The following ZNF345 variants were observed in gnomAD, a reference collection of about 807,000 sequenced individuals.
ZNF345 encodes zinc finger protein 345, also known as zinc finger protein HZF10.
For synonymous variants in ZNF345, 166 were observed against 187.9 expected (o/e 0.88, Z 0.95); for missense variants, 527 against 589.9 (o/e 0.89, Z 1.10).
At chr19:36,859,186 G>T (rs1404330598) in intron 2 of ZNF345, among the ~76,000 whole-genome samples, 1 of 150,478 alleles carries the variant, frequency 6.6e-6, no homozygotes. Context: ...CCTGACAGTT[G>T]CTCAGGCTGG....
At chr19:36,852,697 T>C (rs1472656849) in intron 2 of ZNF345, among the ~76,000 whole-genome samples, 2 of 152,126 alleles carry the variant, frequency 1.3e-5, no homozygotes, top group Admixed American at 6.5e-5. Flanking sequence ...ATACTGTACT[T>C]ATGCCAGCAG....
At chr19:36,863,118 T>C (rs1233124902) in intron 2 of ZNF345, 1 of 152,238 alleles carries the variant, frequency 6.6e-6, no homozygotes, top group East Asian at 1.9e-4. Flanking sequence ...CAGTCAGTGG[T>C]ATTTTATTAT....
chr19:36,852,462 T>A (rs1469282517), intron 2 of ZNF345, among the ~76,000 whole-genome samples: 1 of 151,968 alleles, frequency 6.6e-6, no homozygotes, highest in Admixed American at 6.6e-5. Flanking sequence ...AACACAAAAA[T>A]TAGCTGGGCG....
At chr19:36,886,964 A>C (rs1209345508) in intron 3 of ZNF345, among the ~76,000 whole-genome samples, 2 of 143,944 alleles carry the variant, frequency 1.4e-5, no homozygotes, top group Non-Finnish European at 3.0e-5. Flanking sequence ...ACTGCAGTCC[A>C]GCTTGGGCGA....
At chr19:36,852,128 CTTT>C (rs35747733) in intron 2 of ZNF345, among the ~76,000 whole-genome samples, 2 of 102,700 alleles carry the variant, frequency 1.9e-5, no homozygotes, top group Non-Finnish European at 3.8e-5. Context: ...TTCTTTCTTT[CTTT>C]TTTTTTTTTT....
Position 36,867,378 on chromosome 19 carries a change from AGTG to A in ZNF345, c.-46-9404_-46-9402del, listed in dbSNP as rs1205628141. On this transcript the variant is annotated intron_variant, in intron 2 of 2. Transcript: ENST00000420450. ...TTAACCATTTTAAAGTGTATAATTC[AGTG>A]GTATTTAGTATAAATTCAGTGGTAT... Among the ~76,000 whole-genome samples the A allele has an allele frequency of 2.0e-5, 3 of 152,224 alleles. No individual in the cohort carries two copies. The East Asian group carries it at 5.8e-4, about 29-fold the overall frequency.
At chr19:36,862,156 C>T (rs1385706933) in intron 2 of ZNF345, among the ~76,000 whole-genome samples, 4 of 152,064 alleles carry the variant, frequency 2.6e-5, no homozygotes, top group South Asian at 2.1e-4. Flanking sequence ...CCACTGCACC[C>T]GGCCAACTTC....
intron 2 of ZNF345, among the ~76,000 whole-genome samples, chr19:36,868,160 G>A (rs1357955959): frequency 8.6e-5 from 13 of 151,844 alleles, no homozygotes; most frequent in African/African-American, 4.8e-5. Flanking sequence ...GTGCCACCAC[G>A]CCCAGCTAAT....
At chr19:36,886,221 C>A (rs1209712369) in intron 3 of ZNF345, among the ~76,000 whole-genome samples, 1 of 152,134 alleles carries the variant, frequency 6.6e-6, no homozygotes, top group Non-Finnish European at 1.5e-5. Context: ...AGATATTCTG[C>A]CTTCAGGAAA....
chr19:36,878,123 TGGGAA>T lies in ZNF345; in HGVS notation c.1296_1300del (p.Lys433PhefsTer3). The T allele has an allele frequency of 6.2e-7, 1 of 1,614,084 alleles. No individual in the cohort carries two copies. The highest frequency in any genetic ancestry group is 8.5e-7 in the Non-Finnish European group (1 of 1,179,994). On this transcript the variant is annotated frameshift_variant, in exon 3 of 3. Coordinates refer to ENST00000420450, the MANE Select transcript of ZNF345 (RefSeq NM_001242472.2). LOFTEE classifies it low-confidence loss of function (END_TRUNC). ...AGAAACCCTATGAATGTAAGGAGTG[TGGGAA>T]GGCTTTTTATAGTGGCTCAAGCCTT... is the stretch of plus-strand genomic sequence containing the variant.
In ZNF345 at chr19:36,877,499, T is replaced by C; in HGVS notation, c.669T>C (p.Ile223=). Reference sequence around the variant, plus strand: ...CAAACCTTACTCAACATCGGCGGATTCATACTGGTGAGAAACCTTATGAAT... The same window carrying C: ...CAAACCTTACTCAACATCGGCGGATCCATACTGGTGAGAAACCTTATGAAT... The part of the protein sequence containing the change: ...SGSNLTQHRR[I]HTGEKPYECK... Residue 223 remains isoleucine (I), a synonymous_variant, in exon 3 of 3, where the codon ATT becomes ATC. Transcript: ENST00000420450. 1 of 1,614,178 alleles carries C rather than the reference T, an allele frequency of 6.2e-7. No homozygotes were observed. The highest frequency in any genetic ancestry group is 1.1e-5 in the South Asian group (1 of 91,082).
At chr19:36,883,357 A>G (rs1487839860), downstream of ZNF345, among the ~76,000 whole-genome samples, 1 of 152,146 alleles carries the variant, frequency 6.6e-6, no homozygotes, top group African/African-American at 2.4e-5. Context: ...TTCCCTAAAG[A>G]TTGAAGTTTT....
At chr19:36,884,892 TACTC>T (rs750225366) in intron 3 of ZNF345, among the ~76,000 whole-genome samples, 6 of 152,224 alleles carry the variant, frequency 3.9e-5, no homozygotes, top group Admixed American at 2.6e-4. Flanking sequence ...TACTTTGACT[TACTC>T]ATTCTTTCGT....
chr19:36,861,406 C>G (rs1047466590), intron 2 of ZNF345, among the ~76,000 whole-genome samples: 1 of 152,158 alleles, frequency 6.6e-6, no homozygotes, highest in African/African-American at 2.4e-5. Context: ...TAGTAAGAAA[C>G]CTGGCTTCCA....
downstream of ZNF345, among the ~76,000 whole-genome samples, chr19:36,880,829 A>T (rs2072963325): frequency 1.3e-5 from 2 of 152,194 alleles, no homozygotes; most frequent in Non-Finnish European, 1.5e-5. Flanking sequence ...TTTTTAAATA[A>T]GTGGCACTGA....
downstream of ZNF345, among the ~76,000 whole-genome samples, chr19:36,882,319 G>C (rs2072973534): frequency 1.3e-5 from 2 of 152,010 alleles, no homozygotes; most frequent in South Asian, 2.1e-4. Context: ...CCAGGCTGGA[G>C]TGCAGTGGCG....
exon 4 of ZNF345, chr19:36,892,959 G>A (rs1443543276): frequency 7.4e-6 from 4 of 538,368 alleles, no homozygotes; most frequent in East Asian, 3.4e-5. Context: ...GCAGGATGCC[G>A]CTTCTGCTCC....
At chr19:36,874,076 G>A (rs1415885117) in intron 2 of ZNF345, among the ~76,000 whole-genome samples, 1 of 152,110 alleles carries the variant, frequency 6.6e-6, no homozygotes, top group Non-Finnish European at 1.5e-5. Context: ...AAGTTTTTCT[G>A]GGGTTCTGCA....
chr19:36,861,621 C>T (rs902060585), intron 2 of ZNF345, among the ~76,000 whole-genome samples: 8 of 152,080 alleles, frequency 5.3e-5, no homozygotes, highest in African/African-American at 1.9e-4. Flanking sequence ...AGTGCAGTGG[C>T]GTGATCTCCG....
Sources: allele counts gnomAD v4.1 joint callset (sites outside exome capture counted in the v4.1 genomes callset), GRCh38; gene constraint gnomAD v4.1.1; transcripts MANE v1.5; gene names NCBI Gene and HGNC (gene_info 2026-07-23, HGNC 2026-07-21).